The following LRRC38 variants were observed in gnomAD, a reference collection of about 807,000 sequenced individuals.
LRRC38 encodes leucine-rich repeat-containing protein 38.
LRRC38 carries 5 observed loss-of-function variants against 16.4 expected under a neutral mutation model. That is an observed-to-expected ratio of 0.31 (90% CI 0.16 to 0.64). The LOEUF is 0.64. LRRC38 is among the 30% of genes least tolerant of loss of function. The probability of loss-of-function intolerance (pLI) is 0.80; values close to 1 mark genes in which losing one functional copy is unlikely to be tolerated. For missense variants in LRRC38, 341 were observed against 401.8 expected (o/e 0.85, Z 1.29); for synonymous variants, 191 against 190.2 (o/e 1.00, Z -0.04).
chr1:13,492,883 G>A (rs72646368), intron 1 of LRRC38, among the ~76,000 whole-genome samples: 37,528 of 151,936 alleles, frequency 0.25, 5,157 homozygotes, highest in East Asian at 0.33. Context: ...AAGATGTGAC[G>A]CATCTCTGCT....
chr1:13,496,121 C>A (rs1292953143), intron 1 of LRRC38, among the ~76,000 whole-genome samples: 1 of 151,990 alleles, frequency 6.6e-6, no homozygotes, highest in Non-Finnish European at 1.5e-5. Flanking sequence ...AGATTCTATA[C>A]AAATTCATGC....
Position 13,475,806 on chromosome 1 carries a change from T to C in LRRC38, c.*40A>G, listed in dbSNP as rs1280806453. 7.2e-6 allele frequency: 11 copies of C among 1,538,090 alleles called. No individual in the cohort carries two copies. Among genetic ancestry groups the C allele is most frequent in the Non-Finnish European group, 7.9e-6 (9 of 1,139,398 alleles). ...CTCTCGTCTTGGAGAGAGCTTCTGG[T>C]TCGGTGCTGGAGAGTAAGAGGCAGG... On this transcript the variant is annotated 3_prime_UTR_variant, in exon 2 of 2. Coordinates refer to ENST00000376085, the MANE Select transcript of LRRC38 (RefSeq NM_001010847.2). This position sits in a 1 kb window ranked among gnomAD's most constrained non-coding sequence, Gnocchi z 4.3.
At chr1:13,510,383 G>A (rs941624164) in intron 1 of LRRC38, among the ~76,000 whole-genome samples, 2 of 152,138 alleles carry the variant, frequency 1.3e-5, no homozygotes, top group Non-Finnish European at 2.9e-5. Flanking sequence ...AGTCAAAACA[G>A]GATAATAACA....
intron 1 of LRRC38, 31 bp downstream of exon 1, chr1:13,512,932 T>TCCCG: frequency 4.0e-6 from 2 of 495,302 alleles, no homozygotes; most frequent in Non-Finnish European, 3.0e-6. Flanking sequence ...CCCCCCTCCC[T>TCCCG]CCCTCCCCCA....
At chr1:13,497,796 T>C (rs1317377591) in intron 1 of LRRC38, among the ~76,000 whole-genome samples, 1 of 151,896 alleles carries the variant, frequency 6.6e-6, no homozygotes, top group Non-Finnish European at 1.5e-5. Flanking sequence ...ACCCCGTCTC[T>C]ACCAAAACTA....
intron 1 of LRRC38, among the ~76,000 whole-genome samples, chr1:13,481,796 T>C (rs4661325): frequency 2.4e-4 from 28 of 115,610 alleles, no homozygotes; most frequent in Non-Finnish European, 4.8e-4. Context: ...TCCCTCTCTC[T>C]CTCTCTCTCT....
intron 1 of LRRC38, among the ~76,000 whole-genome samples, chr1:13,493,430 A>C (rs1639042007): frequency 6.6e-6 from 1 of 152,182 alleles, no homozygotes; most frequent in African/African-American, 2.4e-5. Flanking sequence ...AGGTGGGGAC[A>C]CAGAAGTGAG....
intron 1 of LRRC38, among the ~76,000 whole-genome samples, chr1:13,478,124 C>T (rs557625378): frequency 9.7e-4 from 148 of 152,286 alleles, no homozygotes; most frequent in African/African-American, 3.3e-3. Flanking sequence ...TGTGCAAATT[C>T]AAATGACGAC....
At chr1:13,510,324 T>C (rs1313203409) in intron 1 of LRRC38, among the ~76,000 whole-genome samples, 7 of 152,208 alleles carry the variant, frequency 4.6e-5, no homozygotes, top group Non-Finnish European at 1.5e-5. Context: ...CACCCCCAGC[T>C]CTGGGTTTAA....
rs1342604480 is a variant in LRRC38, at chr1:13,513,893, G to C, written c.-300C>G. 1 of 152,424 alleles carries C rather than the reference G, an allele frequency of 6.6e-6. No homozygotes were observed. Among genetic ancestry groups the C allele is most frequent in the Non-Finnish European group, 1.5e-5 (1 of 68,272 alleles). The allele number at this position is 152,424 out of a possible 1,614,324, so 9.4% of individuals were successfully genotyped here. On this transcript the variant is annotated 5_prime_UTR_variant, in exon 1 of 2. Transcript: ENST00000376085. ...AAAATCTCTTGGGAGAGGCGGGAGC[G>C]GCAGGGGTGGCCGAGTGGCCGTCGC...
intron 1 of LRRC38, among the ~76,000 whole-genome samples, chr1:13,504,408 A>T (rs1035112148): frequency 3.3e-5 from 5 of 152,088 alleles, no homozygotes; most frequent in African/African-American, 1.2e-4. Flanking sequence ...GCCCATCAAT[A>T]CACAGAGAGA....
At chr1:13,496,749 A>G (rs1639084966) in intron 1 of LRRC38, among the ~76,000 whole-genome samples, 1 of 152,206 alleles carries the variant, frequency 6.6e-6, no homozygotes, top group Non-Finnish European at 1.5e-5. Flanking sequence ...TGTGGCTACA[A>G]CTGAGTGAAA....
At chr1:13,503,953 G>A (rs992148705) in intron 1 of LRRC38, among the ~76,000 whole-genome samples, 2 of 152,290 alleles carry the variant, frequency 1.3e-5, no homozygotes, top group South Asian at 2.1e-4. Context: ...GGCAGCCTCC[G>A]ACGTGCAAGA....
intron 1 of LRRC38, among the ~76,000 whole-genome samples, chr1:13,481,606 A>G (rs1327431461): frequency 2.6e-5 from 4 of 151,456 alleles, no homozygotes; most frequent in Admixed American, 2.0e-4. Context: ...CGTGTTAGCC[A>G]GGATTGTCTC....
chr1:13,487,689 A>G lies in LRRC38; in HGVS notation c.632-11590T>C, dbSNP rs1052561689. Among the ~76,000 whole-genome samples the G allele has an allele frequency of 2.0e-5, 3 of 152,082 alleles. No homozygotes were observed. Among genetic ancestry groups the G allele is most frequent in the Non-Finnish European group, 2.9e-5 (2 of 68,002 alleles). ...CCAGCAGCTGACACCTGAGCTGGAG[A>G]GGGTGAAGAGCTGCCATTCTCCAGA... is the stretch of plus-strand genomic sequence containing the variant. On this transcript the variant is annotated intron_variant, in intron 1 of 1. Transcript: ENST00000376085. This position sits in a 1 kb window ranked among gnomAD's most constrained non-coding sequence, Gnocchi z 4.4.
In LRRC38 at chr1:13,475,888, G is replaced by A; in HGVS notation, c.843C>T (p.Pro281=). 1 of 1,550,480 alleles carries A rather than the reference G, an allele frequency of 6.4e-7. No individual in the cohort carries two copies. The highest frequency in any genetic ancestry group is 2.4e-5 in the East Asian group (1 of 40,918). Reference sequence around the variant, plus strand: ...CGTCTTCATCCTCCGCATCTTTGTTGGGTGCGCACCTCTGGAGGCACTGCA... The same window carrying A: ...CGTCTTCATCCTCCGCATCTTTGTTAGGTGCGCACCTCTGGAGGCACTGCA... ...TVVQCLQRCA[P]NKDAEDEDED... Residue 281 remains proline, a synonymous_variant, in exon 2 of 2, where the codon CCC becomes CCT. Transcript: ENST00000376085. This position sits in a 1 kb window ranked among gnomAD's most constrained non-coding sequence, Gnocchi z 4.3.
rs1247376586 is a variant in LRRC38 at position 13,513,298 on chromosome 1, G to A, written c.296C>T (p.Thr99Met). The A allele has an allele frequency of 4.5e-6, 7 of 1,550,714 alleles. No individual in the cohort carries two copies. The highest frequency in any genetic ancestry group is 2.4e-5 in the East Asian group (1 of 40,884). Residue 99 changes from threonine (T) to methionine (M), a missense_variant, in exon 1 of 2, where the codon ACG (threonine) becomes ATG (methionine). By Grantham distance (81) the Thr-to-Met change is moderately conservative (BLOSUM62 -1). Transcript: ENST00000376085. Reference protein sequence around the residue: ...NNSLRSLEEGTFSGSAKLVFL... With the variant: ...NNSLRSLEEGMFSGSAKLVFL... The stretch of plus-strand genomic sequence containing the variant: ...CACGAGCTTGGCCGAGCCGCTGAAC[G>A]TGCCCTCCTCCAGCGAGCGCAGCGA...
At position 13,513,363 on chromosome 1, in the gene LRRC38, G is replaced by A; in HGVS notation, c.231C>T (p.Ile77=). 6.4e-7 allele frequency: 1 copy of A among 1,550,868 alleles called. No homozygotes were observed. The highest frequency in any genetic ancestry group is 8.7e-7 in the Non-Finnish European group (1 of 1,147,028). The change falls in exon 1 of 2, where the codon ATC becomes ATT. Residue 77 remains isoleucine (I), a synonymous_variant. Transcript: ENST00000376085. ...CCAGGTAGACCAGGTCGCCGTAGAA[G>A]ATGAAGAAGTCCTCGGGGATCCGCT... ...RIQRIPEDFF[I]FYGDLVYLDF...
intron 1 of LRRC38, among the ~76,000 whole-genome samples, chr1:13,497,199 A>G (rs1192846146): frequency 6.6e-6 from 1 of 152,032 alleles, no homozygotes; most frequent in African/African-American, 2.4e-5. Context: ...GAGAGCTCTG[A>G]GCCGAGGTGG....
Sources: allele counts gnomAD v4.1 joint callset (sites outside exome capture counted in the v4.1 genomes callset), GRCh38; gene constraint gnomAD v4.1.1; non-coding constraint Gnocchi (gnomAD v3.1); transcripts MANE v1.5; gene names NCBI Gene and HGNC (gene_info 2026-07-23, HGNC 2026-07-21).